RB1CC1: variants seen among roughly 807,000 people sequenced by gnomAD.
RB1CC1 encodes RB1 inducible coiled-coil 1, also known as RB1-inducible coiled-coil protein 1.
Under a neutral mutation model 177.5 loss-of-function variants are expected in RB1CC1, and 46 were observed. That is an observed-to-expected ratio of 0.26 (90% CI 0.20 to 0.33). The LOEUF is 0.33. RB1CC1 is among the 10% of genes least tolerant of loss of function. RB1CC1 has a pLI of 1.00. For missense variants in RB1CC1, 1,703 were observed against 1,816.3 expected, an observed-to-expected ratio of 0.94 and a Z score of 1.13; for synonymous variants, 666 against 613.6, an observed-to-expected ratio of 1.09 and a Z score of -1.26.
intron 16 of RB1CC1, chr8:52,643,072 T>C: frequency 3.6e-6 from 1 of 276,172 alleles, no homozygotes. Flanking sequence ...ATTTTGAAAT[T>C]TTGAAGAATT....
At chr8:52,668,292 A>G (rs1234829803) in intron 7 of RB1CC1, 101 bp from the exon 8 acceptor site, 5 of 1,363,356 alleles carry the variant, frequency 3.7e-6, no homozygotes, top group South Asian at 1.5e-5. Flanking sequence ...ATAAGTGATA[A>G]AAGATATAAA....
chr8:52,675,718 A>C (rs916800844), intron 6 of RB1CC1, among the ~76,000 whole-genome samples: 13 of 147,744 alleles, frequency 8.8e-5, no homozygotes, highest in Non-Finnish European at 1.4e-4. Flanking sequence ...AAAATCCAAA[A>C]AAAAAAAAAA....
At position 52,676,402 on chromosome 8, in the gene RB1CC1, T is replaced by C; in HGVS notation, c.539A>G (p.Gln180Arg). Reference sequence around the variant, plus strand: ...TTTTAACTTGATGTCTTCTATGGACTGCAGATAATTTGAATAAATACTTTC... The same window carrying C: ...TTTTAACTTGATGTCTTCTATGGACCGCAGATAATTTGAATAAATACTTTC... The part of the protein sequence containing the change: ...KFESIYSNYL[Q>R]SIEDIKLKLT... Residue 180 changes from glutamine (Q) to arginine (R), a missense_variant, in exon 6 of 24, where the codon CAG becomes CGG. Around this residue, in one of 6 missense-constraint regions of RB1CC1, gnomAD observed 315 missense variants for 304.9 expected, o/e 1.03. Coordinates refer to ENST00000025008, the MANE Select transcript of RB1CC1 (RefSeq NM_014781.5). 6.2e-7 allele frequency: 1 copy of C among 1,611,788 alleles called. No homozygotes were observed. Among genetic ancestry groups the C allele is most frequent in the Non-Finnish European group, 8.5e-7 (1 of 1,178,428 alleles).
chr8:52,681,496 CG>C (rs1853714139), intron 5 of RB1CC1, among the ~76,000 whole-genome samples: 1 of 152,088 alleles, frequency 6.6e-6, no homozygotes, highest in Non-Finnish European at 1.5e-5. Flanking sequence ...GACCACATCC[CG>C]GACCATGAAG....
intron 1 of RB1CC1, among the ~76,000 whole-genome samples, chr8:52,705,265 T>C (rs1346681667): frequency 6.6e-6 from 1 of 152,204 alleles, no homozygotes; most frequent in Non-Finnish European, 1.5e-5. Flanking sequence ...TATACAATAA[T>C]GGTGGGATTT....
chr8:52,709,675 T>G (rs767120913), intron 1 of RB1CC1, among the ~76,000 whole-genome samples: 4 of 152,196 alleles, frequency 2.6e-5, no homozygotes, highest in Admixed American at 6.5e-5. Context: ...GAGGCAGTGG[T>G]TGTAGTGAGC....
At chr8:52,661,762 A>T in intron 8 of RB1CC1, 43 bp from the exon 9 acceptor site, 1 of 1,421,290 alleles carries the variant, frequency 7.0e-7, no homozygotes, top group Non-Finnish European at 9.4e-7. Context: ...ATTTTGTTTC[A>T]TGAAAGGTAT....
chr8:52,667,649 T>C (rs1490070368), intron 8 of RB1CC1, among the ~76,000 whole-genome samples: 1 of 152,222 alleles, frequency 6.6e-6, no homozygotes, highest in African/African-American at 2.4e-5. Context: ...ATTAGAAGTA[T>C]TAGTAAATTC....
In RB1CC1 at chr8:52,622,779, T is replaced by C. The variant is rs1848145699; in HGVS notation, c.*1003A>G. 1 of 152,038 alleles carries C rather than the reference T, an allele frequency of 6.6e-6. No homozygotes were observed. Among genetic ancestry groups the C allele is most frequent in the South Asian group, 2.1e-4 (1 of 4,838 alleles). The allele number at this position is 152,038 out of a possible 1,614,324, so 9.4% of individuals were successfully genotyped here. A position where few individuals can be genotyped will look rare whatever the true frequency, so the allele number is the denominator to read the frequency against. ...CATAGTATATAGTTAAAGAACATTT[T>C]TGTAATAAACATGTTTCTCTTTGAT... On this transcript the variant is annotated 3_prime_UTR_variant, in exon 24 of 24. Transcript: ENST00000025008.
Position 52,648,360 on chromosome 8 carries a change from C to T in RB1CC1, c.3822-2493G>A, listed in dbSNP as rs149318398. Among the ~76,000 whole-genome samples the T allele has an allele frequency of 4.5e-4, 69 of 152,226 alleles. No individual in the cohort carries two copies. In the East Asian group the frequency reaches 5.8e-3, roughly 13 times the overall value. On this transcript the variant is annotated intron_variant, in intron 15 of 23. Transcript: ENST00000025008. Reference sequence around the variant, plus strand: ...TTAGAAAATGTTCCAAGTGACTATCCGCCACACAACTTTAATTTTACATTA... The same window carrying T: ...TTAGAAAATGTTCCAAGTGACTATCTGCCACACAACTTTAATTTTACATTA...
At chr8:52,710,685 G>A (rs770047920) in intron 1 of RB1CC1, among the ~76,000 whole-genome samples, 2 of 151,496 alleles carry the variant, frequency 1.3e-5, no homozygotes, top group East Asian at 1.9e-4. Flanking sequence ...ATTTTATAAC[G>A]GAAACTAACA....
At chr8:52,629,403 G>A (rs1462815895) in intron 21 of RB1CC1, among the ~76,000 whole-genome samples, 1 of 152,090 alleles carries the variant, frequency 6.6e-6, no homozygotes, top group Non-Finnish European at 1.5e-5. Flanking sequence ...TACAGTGCAG[G>A]AAAATTATTA....
At chr8:52,703,366 T>A (rs539077302) in intron 1 of RB1CC1, among the ~76,000 whole-genome samples, 2 of 152,168 alleles carry the variant, frequency 1.3e-5, no homozygotes, top group Non-Finnish European at 2.9e-5. Flanking sequence ...TCTTTTAATG[T>A]TTACTTCTCC....
Position 52,667,929 on chromosome 8 carries a change from A to G in RB1CC1, c.1173+92T>C, listed in dbSNP as rs1852214019. 4.0e-6 allele frequency: 5 copies of G among 1,248,854 alleles called. No individual in the cohort carries two copies. The Admixed American group carries it at 1.2e-4, about 30-fold the overall frequency. The allele number at this position is 1,248,854 out of a possible 1,614,324, so 77.4% of individuals were successfully genotyped here. A position where few individuals can be genotyped will look rare whatever the true frequency, so the allele number is the denominator to read the frequency against. ...TAAAAATATTCAAGGAAAAAGTGAA[A>G]ATATGGTGCACACCAAATTGATACT... On this transcript the variant is annotated intron_variant, in intron 8 of 23. Transcript: ENST00000025008.
At position 52,656,331 on chromosome 8, in the gene RB1CC1, A is replaced by G. The variant is rs1851080181; in HGVS notation, c.3498T>C (p.Phe1166=). 5.6e-6 allele frequency: 9 copies of G among 1,612,540 alleles called. No individual in the cohort carries two copies. In the East Asian group the frequency reaches 2.0e-4, roughly 36 times the overall value. Residue 1166 remains phenylalanine, a synonymous_variant, in exon 15 of 24, where the codon TTT becomes TTC. Coordinates refer to ENST00000025008, the MANE Select transcript of RB1CC1 (RefSeq NM_014781.5). ...NKVTSLHNQA[F]EIEKNLKEQI... is the part of the protein sequence containing the mutation. ...GTTCTTTTAGGTTTTTTTCTATTTC[A>G]AATGCTTGGTTATGCAAAGATGTTA...
chr8:52,638,692 T>C (rs1224620251), intron 18 of RB1CC1, among the ~76,000 whole-genome samples: 2 of 152,132 alleles, frequency 1.3e-5, no homozygotes, highest in Admixed American at 6.5e-5. Flanking sequence ...TAGTCTTTTA[T>C]TTTCTTTAAG....
rs1333139426 is a variant in RB1CC1, at chr8:52,642,698, A to G, written c.4096+6T>C. On this transcript the variant is annotated splice_donor_region_variant and intron_variant, in intron 17 of 23. Coordinates refer to ENST00000025008, the MANE Select transcript of RB1CC1 (RefSeq NM_014781.5). ...ATTAAAAAAAATAGTACAAAACAGTACAAACCTTTATCCCGTTCTTGTTGC... is the reference window on the plus strand; with the variant it reads ...ATTAAAAAAAATAGTACAAAACAGTGCAAACCTTTATCCCGTTCTTGTTGC... The G allele has an allele frequency of 6.3e-7, 1 of 1,575,188 alleles. No homozygotes were observed. The highest frequency in any genetic ancestry group is 8.6e-7 in the Non-Finnish European group (1 of 1,167,470).
In RB1CC1 at chr8:52,683,801, C is replaced by T. The variant is rs949185053; in HGVS notation, c.199-82G>A. 1.9e-6 allele frequency: 3 copies of T among 1,569,686 alleles called. No homozygotes were observed. The African/African-American group carries it at 4.1e-5, about 21-fold the overall frequency. ...TGCACATTGCCTTCAATATATGAAGCAAATAAACCTTACTTTTGAACACTG... is the reference window on the plus strand; with the variant it reads ...TGCACATTGCCTTCAATATATGAAGTAAATAAACCTTACTTTTGAACACTG... On this transcript the variant is annotated intron_variant, in intron 4 of 23. Transcript: ENST00000025008.
chr8:52,668,541 T>C (rs1191879572), intron 7 of RB1CC1, among the ~76,000 whole-genome samples: 1 of 152,212 alleles, frequency 6.6e-6, no homozygotes, highest in East Asian at 1.9e-4. Flanking sequence ...CTTTAAAACA[T>C]ATAAACTTCT....
Sources: gnomAD v4.1 joint callset for allele counts (sites outside exome capture counted in the v4.1 genomes callset) on GRCh38, gnomAD v4.1.1 for gene constraint, gnomAD v4.1.1 regional missense constraint, MANE v1.5 for transcripts, NCBI Gene and HGNC (gene_info 2026-07-23, HGNC 2026-07-21) for gene names.